CCAR1: variants seen among roughly 807,000 people sequenced by gnomAD.
The protein encoded by CCAR1 is cell division cycle and apoptosis regulator 1.
A neutral mutation model predicts 163.8 loss-of-function variants in CCAR1; 78 were observed. That is an observed-to-expected ratio of 0.48 (90% CI 0.40 to 0.57). CCAR1 has a LOEUF of 0.57. CCAR1 is among the 20% of genes least tolerant of loss of function. The probability of loss-of-function intolerance (pLI) is 0.00; values close to 1 mark genes in which losing one functional copy is unlikely to be tolerated. For synonymous variants in CCAR1, 443 were observed against 460.7 expected, an observed-to-expected ratio of 0.96 and a Z score of 0.49; for missense variants, 1,019 against 1,365.2, an observed-to-expected ratio of 0.75 and a Z score of 4.00.
At chr10:68,768,022 A>G (rs2056556665) in intron 17 of CCAR1, among the ~76,000 whole-genome samples, 2 of 152,192 alleles carry the variant, frequency 1.3e-5, no homozygotes, top group African/African-American at 2.4e-5. Context: ...TATCTTATCA[A>G]CATATCTTAT....
At chr10:68,764,381 CAA>C (rs528625575) in intron 16 of CCAR1, among the ~76,000 whole-genome samples, 7 of 122,578 alleles carry the variant, frequency 5.7e-5, no homozygotes, top group Admixed American at 1.7e-4. Context: ...CCCATCTCTA[CAA>C]AAAAAAAAAA....
At chr10:68,783,557 C>G (rs1181025208) in intron 19 of CCAR1, among the ~76,000 whole-genome samples, 2 of 152,020 alleles carry the variant, frequency 1.3e-5, no homozygotes, top group African/African-American at 4.8e-5. Context: ...GGCACGAGGT[C>G]AGGAGTTCGA....
intron 2 of CCAR1, among the ~76,000 whole-genome samples, chr10:68,735,477 A>C (rs887046110): frequency 6.7e-6 from 1 of 149,286 alleles, no homozygotes; most frequent in African/African-American, 2.5e-5. Flanking sequence ...GGGCTCAAGT[A>C]ATCCTCTCAT....
At chr10:68,760,434 T>G (rs183537160) in intron 15 of CCAR1, among the ~76,000 whole-genome samples, 161 of 152,322 alleles carry the variant, frequency 1.1e-3, no homozygotes, top group Admixed American at 1.8e-3. Context: ...AGCCAGAAAT[T>G]AGAACTTCTG....
chr10:68,755,053 TGTAACATA>T (rs1281012382), intron 12 of CCAR1: 2 of 597,420 alleles, frequency 3.3e-6, no homozygotes, highest in African/African-American at 3.7e-5. Flanking sequence ...GTTTTATATT[TGTAACATA>T]GTAGAATATT....
intron 15 of CCAR1, 29 bp downstream of exon 15, chr10:68,757,406 A>AT (rs1323067851): frequency 6.4e-6 from 8 of 1,245,702 alleles, no homozygotes; most frequent in Admixed American, 3.7e-5. Flanking sequence ...GATTTTATTT[A>AT]TTTTTTTCAA....
At chr10:68,746,270 C>T (rs1209660574) in intron 6 of CCAR1, among the ~76,000 whole-genome samples, 2 of 147,098 alleles carry the variant, frequency 1.4e-5, no homozygotes, top group African/African-American at 5.0e-5. Flanking sequence ...CGCGCCCAGC[C>T]TCTTTTTTTA....
intron 15 of CCAR1, 27 bp from the exon 16 acceptor site, chr10:68,760,980 C>G: frequency 1.2e-4 from 48 of 412,178 alleles, no homozygotes; most frequent in East Asian, 4.6e-4. Flanking sequence ...TTTTTTTTTT[C>G]CGTGTTTTTC....
chr10:68,727,470 G>C (rs1170148570), intron 2 of CCAR1, among the ~76,000 whole-genome samples: 1 of 152,038 alleles, frequency 6.6e-6, no homozygotes, highest in Non-Finnish European at 1.5e-5. Flanking sequence ...CAGAATTGTG[G>C]TTCATTTTAT....
At chr10:68,771,555 T>G (rs1193085532) in intron 18 of CCAR1, 110 bp downstream of exon 18, 28 of 1,002,764 alleles carry the variant, frequency 2.8e-5, no homozygotes, top group Non-Finnish European at 4.2e-5. Flanking sequence ...TGAAAGATTT[T>G]ACTATATTAG....
intron 1 of CCAR1, 132 bp from the exon 2 acceptor site, chr10:68,722,323 T>C: frequency 1.7e-6 from 1 of 593,730 alleles, no homozygotes; most frequent in Non-Finnish European, 3.0e-6. Flanking sequence ...CTTTTTCTAC[T>C]TAACAGTTGT....
intron 8 of CCAR1, among the ~76,000 whole-genome samples, chr10:68,748,576 C>T (rs1016888643): frequency 1.3e-5 from 2 of 150,930 alleles, no homozygotes; most frequent in African/African-American, 4.9e-5. Context: ...GCAACCTCCG[C>T]CTCCCCGGCT....
chr10:68,730,326 AATAT>A (rs748641938), intron 2 of CCAR1, among the ~76,000 whole-genome samples: 11 of 145,006 alleles, frequency 7.6e-5, no homozygotes, highest in Non-Finnish European at 1.2e-4. Flanking sequence ...TTTAAAAAAG[AATAT>A]ATATATATAT....
chr10:68,756,258 C>G lies in CCAR1; in HGVS notation c.1626-15C>G, dbSNP rs372779686. The G allele has an allele frequency of 1.3e-5, 21 of 1,605,168 alleles. No homozygotes were observed. Among genetic ancestry groups the G allele is most frequent in the Admixed American group, 1.7e-5 (1 of 59,416 alleles). ...TTAGAATTTTTTTTCCAACATGCTT[C>G]TTCCCTTGCAACAGGTACCGTTTTG... On this transcript the variant is annotated splice_polypyrimidine_tract_variant and intron_variant, in intron 13 of 24. Coordinates refer to ENST00000265872, the MANE Select transcript of CCAR1 (RefSeq NM_018237.4). The surrounding 1 kb of genome is among the most constrained non-coding windows in gnomAD (Gnocchi z 5.1).
At chr10:68,788,694 A>G (rs1358144525) in intron 23 of CCAR1, among the ~76,000 whole-genome samples, 1 of 152,094 alleles carries the variant, frequency 6.6e-6, no homozygotes, top group African/African-American at 2.4e-5. Flanking sequence ...CATGTTGGCC[A>G]GGATGGTCTC....
intron 19 of CCAR1, among the ~76,000 whole-genome samples, chr10:68,776,141 A>T (rs10998428): frequency 2.6e-5 from 4 of 151,106 alleles, no homozygotes; most frequent in African/African-American, 7.3e-5. Context: ...GCCTTAGTTT[A>T]TTTTTTCCTC....
intron 16 of CCAR1, 24 bp downstream of exon 16, chr10:68,761,216 A>G (rs376320629): frequency 7.1e-7 from 1 of 1,412,322 alleles, no homozygotes; most frequent in Non-Finnish European, 9.6e-7. Flanking sequence ...CTATTATTAT[A>G]CTCTATGGTA....
At chr10:68,730,474 A>C (rs1301275060) in intron 2 of CCAR1, among the ~76,000 whole-genome samples, 3 of 151,314 alleles carry the variant, frequency 2.0e-5, no homozygotes. Context: ...AGTAGCTGGG[A>C]CTACAGGCGC....
At chr10:68,738,156 T>C (rs890449115) in intron 4 of CCAR1, among the ~76,000 whole-genome samples, 1 of 152,234 alleles carries the variant, frequency 6.6e-6, no homozygotes, top group Admixed American at 6.5e-5. Flanking sequence ...GGCTCATGCC[T>C]GTAATCCCAG....
Sources: gnomAD v4.1 joint callset for allele counts (sites outside exome capture counted in the v4.1 genomes callset) on GRCh38, gnomAD v4.1.1 for gene constraint, Gnocchi (gnomAD v3.1) non-coding constraint, MANE v1.5 for transcripts, NCBI Gene and HGNC (gene_info 2026-07-23, HGNC 2026-07-21) for gene names.